Variants in STARD13 observed in about 807,000 individuals in gnomAD.
The protein encoded by STARD13 is StAR related lipid transfer domain containing 13.
STARD13 carries 62 observed loss-of-function variants against 106.4 expected under a neutral mutation model. The observed-to-expected ratio is 0.58, with a 90% CI of 0.48 to 0.72. The LOEUF is 0.72. Ranked by LOEUF, STARD13 falls within the 30% of genes least tolerant of loss-of-function variation. The pLI is 0.00. For synonymous variants in STARD13, 565 were observed against 553.0 expected, an observed-to-expected ratio of 1.02 and a Z score of -0.31; for missense variants, 1,387 against 1,424.0, an observed-to-expected ratio of 0.97 and a Z score of 0.42.
At chr13:33,646,529 G>A in the STARD13 span, among the ~76,000 whole-genome samples, 8 of 152,172 alleles carry the variant, frequency 5.3e-5, no homozygotes, top group Non-Finnish European at 1.2e-4. Flanking sequence ...GCAGACCTCA[G>A]CAATAGGAAA....
the STARD13 span, among the ~76,000 whole-genome samples, chr13:33,625,249 AC>A: frequency 6.6e-6 from 1 of 152,194 alleles, no homozygotes; most frequent in Non-Finnish European, 1.5e-5. Context: ...CCTGTCCTGA[AC>A]GAGAAGGGTG....
rs138167514 is a variant in STARD13 at position 33,146,047 on chromosome 13, G to A, written c.324-3674C>T. 8.6e-3 allele frequency among the ~76,000 whole-genome samples: 1,305 copies of A among 152,224 alleles called. 20 individuals are homozygous for A. Among genetic ancestry groups the A allele is most frequent in the African/African-American group, 0.029 (1,208 of 41,530 alleles). Reference sequence around the variant, plus strand: ...AAAAAAAATATATAAAAATTAAGCCGGGTGTGGTGGCTTATGCCTGTAATC... The same window carrying A: ...AAAAAAAATATATAAAAATTAAGCCAGGTGTGGTGGCTTATGCCTGTAATC... On this transcript the variant is annotated intron_variant, in intron 3 of 13. Transcript: ENST00000336934.
chr13:33,459,845 C>T, the STARD13 span, among the ~76,000 whole-genome samples: 1 of 152,152 alleles, frequency 6.6e-6, no homozygotes, highest in Non-Finnish European at 1.5e-5. Flanking sequence ...TCTAGCTTGA[C>T]ACTTTCTTTT....
intron 1 of STARD13, among the ~76,000 whole-genome samples, chr13:33,192,987 A>G (rs1657019032): frequency 6.6e-6 from 1 of 152,188 alleles, no homozygotes; most frequent in African/African-American, 2.4e-5. Context: ...CACAAATGGG[A>G]TGCTATAACT....
the STARD13 span, among the ~76,000 whole-genome samples, chr13:33,541,865 C>T: frequency 6.6e-6 from 1 of 152,200 alleles, no homozygotes; most frequent in African/African-American, 2.4e-5. Context: ...TGTTTCCTTG[C>T]AGCATCTAAA....
At chr13:33,439,744 C>T in the STARD13 span, 2 of 1,185,566 alleles carry the variant, frequency 1.7e-6, no homozygotes, top group South Asian at 1.3e-5. Context: ...AACAGTATCA[C>T]TCTTAATATC....
chr13:33,187,990 G>C (rs1316165506), intron 1 of STARD13, among the ~76,000 whole-genome samples: 2 of 152,184 alleles, frequency 1.3e-5, no homozygotes, highest in East Asian at 3.9e-4. Flanking sequence ...CAACCTAAAC[G>C]AAGCATCTTT....
At chr13:33,107,841 C>G (rs1388485747) in intron 12 of STARD13, among the ~76,000 whole-genome samples, 2 of 152,004 alleles carry the variant, frequency 1.3e-5, no homozygotes, top group Admixed American at 6.6e-5. Context: ...CCTTTCTACC[C>G]CAGGGATCTA....
At chr13:33,329,655 ATGTGTGTGTGTGTGTG>A (rs34427794) in intron 1 of STARD13, among the ~76,000 whole-genome samples, 3 of 144,252 alleles carry the variant, frequency 2.1e-5, no homozygotes, top group Admixed American at 6.9e-5. Context: ...GTGTGTGTGT[ATGTGTGTGTGTGTGTG>A]TGTGTGTGTG....
the STARD13 span, among the ~76,000 whole-genome samples, chr13:33,447,342 C>A: frequency 6.6e-6 from 1 of 152,224 alleles, no homozygotes; most frequent in African/African-American, 2.4e-5. Flanking sequence ...GATGCTGCTG[C>A]AACACCTAGA....
intron 4 of STARD13, chr13:33,138,353 A>C (rs1301506594): frequency 6.6e-6 from 1 of 151,706 alleles, no homozygotes; most frequent in South Asian, 2.1e-4. Flanking sequence ...TTTCCCGAGA[A>C]AAGCTACTTT....
intron 1 of STARD13, among the ~76,000 whole-genome samples, chr13:33,201,977 A>C (rs1344101991): frequency 6.6e-6 from 1 of 151,596 alleles, no homozygotes; most frequent in African/African-American, 2.4e-5. Context: ...ATTTATAAAT[A>C]ATATCATGCT....
At chr13:33,499,607 CTTCTTCTT>C in the STARD13 span, among the ~76,000 whole-genome samples, 435 of 59,744 alleles carry the variant, frequency 7.3e-3, 24 homozygotes, top group South Asian at 0.015. Flanking sequence ...CTTCTTCTTT[CTTCTTCTT>C]CTTCTTCTTC....
chr13:33,444,158 C>T, the STARD13 span, among the ~76,000 whole-genome samples: 3 of 152,140 alleles, frequency 2.0e-5, no homozygotes, highest in African/African-American at 7.2e-5. Context: ...ATTCACTAAA[C>T]ATTTGCCGAG....
At chr13:33,140,762 C>CTTTTTTTTTTTTTTTTTTTTTT (rs1190491022) in intron 4 of STARD13, among the ~76,000 whole-genome samples, 2 of 142,304 alleles carry the variant, frequency 1.4e-5, no homozygotes. Flanking sequence ...ACTTTCTTTT[C>CTTTTTTTTTTTTTTTTTTTTTT]TTTCTTTTTT....
the STARD13 span, among the ~76,000 whole-genome samples, chr13:33,443,335 C>T: frequency 3.3e-5 from 5 of 151,046 alleles, no homozygotes; most frequent in Admixed American, 3.3e-4. Context: ...CAAGATAGTG[C>T]CACTGCACTC....
At chr13:33,654,034 C>A in the STARD13 span, among the ~76,000 whole-genome samples, 1 of 152,214 alleles carries the variant, frequency 6.6e-6, no homozygotes, top group African/African-American at 2.4e-5. Flanking sequence ...CAATAACAAG[C>A]ATTGGTGAAC....
chr13:33,104,839 G>A lies in STARD13; in HGVS notation c.*754C>T, dbSNP rs1377824098. The A allele has an allele frequency of 6.5e-6, 1 of 153,384 alleles. No homozygotes were observed. Among genetic ancestry groups the A allele is most frequent in the Admixed American group, 6.6e-5 (1 of 15,258 alleles). The allele number at this position is 153,384 out of a possible 1,614,324, so 9.5% of individuals were successfully genotyped here. On this transcript the variant is annotated 3_prime_UTR_variant, in exon 14 of 14. Coordinates refer to ENST00000336934, the MANE Select transcript of STARD13 (RefSeq NM_178006.4). ...ATCTCACTGAAATTCCATCTTACTG[G>A]GCCCAGTGGCAACTCCTCATCTAGC...
At chr13:33,668,420 G>A in the STARD13 span, among the ~76,000 whole-genome samples, 2,020 of 152,304 alleles carry the variant, frequency 0.013, 38 homozygotes, top group African/African-American at 0.045. Context: ...CATTGTGGGA[G>A]AGTATGGGTG....
Sources: allele counts gnomAD v4.1 joint callset (sites outside exome capture counted in the v4.1 genomes callset), GRCh38; gene constraint gnomAD v4.1.1; transcripts MANE v1.5; gene names NCBI Gene and HGNC (gene_info 2026-07-23, HGNC 2026-07-21).